Variants in PRSS2 observed in about 807,000 individuals in gnomAD.
The protein encoded by PRSS2 is serine protease 2, also known as trypsin-2.
PRSS2 carries 19 observed loss-of-function variants against 19.2 expected under a neutral mutation model. The ratio of observed to expected loss-of-function variants is 0.99; its 90% CI spans 0.69 to 1.45. The LOEUF (loss-of-function observed/expected upper bound fraction) is 1.45, where lower values mean the gene tolerates loss of function less well. Ranked by LOEUF, PRSS2 falls within the 40% of genes most tolerant of loss-of-function variation. The pLI, the probability that PRSS2 is intolerant of heterozygous loss-of-function variation, is 0.00. For missense variants in PRSS2, 288 were observed against 294.4 expected, an observed-to-expected ratio of 0.98 and a Z score of 0.16; for synonymous variants, 107 against 117.5, an observed-to-expected ratio of 0.91 and a Z score of 0.58.
At chr7:142,774,323 C>G in intron 4 of PRSS2, 33 bp from the exon 5 acceptor site, 2 of 1,118,454 alleles carry the variant, frequency 1.8e-6, no homozygotes, top group Non-Finnish European at 2.7e-6. Flanking sequence ...CTCCATCTCT[C>G]TCTTCATACA....
At chr7:142,771,806 C>T (rs953971896) in intron 1 of PRSS2, among the ~76,000 whole-genome samples, 5 of 152,248 alleles carry the variant, frequency 3.3e-5, no homozygotes, top group African/African-American at 1.2e-4. Flanking sequence ...TTCCTTGCGT[C>T]CTCAGCCTGG....
intron 3 of PRSS2, 94 bp from the exon 4 acceptor site, chr7:142,773,825 G>C (rs1345929915): frequency 6.7e-7 from 1 of 1,502,166 alleles, no homozygotes; most frequent in Non-Finnish European, 9.3e-7. Flanking sequence ...CTCTCCAGGG[G>C]CAGTGTTCCT....
Position 142,772,761 on chromosome 7 carries a change from T to G in PRSS2, c.201-505T>G, listed in dbSNP as rs1583110985. ...CTGGGACCCATCCCCAAGGTTCTGATCAGTAGGTGGGGGTAAGGACCAAGA... is the reference window on the plus strand; with the variant it reads ...CTGGGACCCATCCCCAAGGTTCTGAGCAGTAGGTGGGGGTAAGGACCAAGA... On this transcript the variant is annotated intron_variant, in intron 2 of 4. Coordinates refer to ENST00000539842, the MANE Select transcript of PRSS2 (RefSeq NM_002770.4). 1.6e-3 allele frequency among the ~76,000 whole-genome samples: 244 copies of G among 150,432 alleles called. 1 individual carries two copies. The highest frequency in any genetic ancestry group is 3.4e-3 in the Middle Eastern group (1 of 294).
intron 1 of PRSS2, among the ~76,000 whole-genome samples, chr7:142,771,537 G>C (rs951074015): frequency 1.3e-5 from 2 of 152,200 alleles, no homozygotes; most frequent in Non-Finnish European, 2.9e-5. Flanking sequence ...CAATAATAAC[G>C]TATACCTTTG....
intron 2 of PRSS2, 106 bp from the exon 3 acceptor site, chr7:142,773,160 G>A: frequency 1.2e-6 from 2 of 1,602,694 alleles, no homozygotes; most frequent in South Asian, 1.1e-5. Context: ...CCCACCCCAT[G>A]CCTCCAGAGC....
chr7:142,773,330 A>C lies in PRSS2; in HGVS notation c.265A>C (p.Asn89His). The change falls in exon 3 of 5, where the codon AAT becomes CAT. Residue 89 changes from asparagine (N) to histidine (H), a missense_variant. By Grantham distance (68) the Asn-to-His change is moderately conservative. Transcript: ENST00000539842. ...CCTGGAGGGGAATGAACAGTTCATCAATGCGGCCAAGATCATCCGCCACCC... is the reference window on the plus strand; with the variant it reads ...CCTGGAGGGGAATGAACAGTTCATCCATGCGGCCAAGATCATCCGCCACCC... ...EVLEGNEQFI[N>H]AAKIIRHPKY... is the part of the protein sequence containing the mutation. The C allele has an allele frequency of 6.3e-7, 1 of 1,594,256 alleles. No homozygotes were observed.
rs1379759713 is a variant in PRSS2, at chr7:142,773,450, C to A, written c.385C>A (p.Pro129Thr). ...INSRVSAISL[P>T]TAPPAAGTES... ...TTCCCGCGTGTCCGCCATCTCTCTG[C>A]CCACTGCCCCTCCAGCTGCTGGCAC... The change falls in exon 3 of 5, where the codon CCC becomes ACC. Residue 129 changes from proline to threonine, a missense_variant. Pro to Thr is a conservative substitution (Grantham distance 38, BLOSUM62 -1). Coordinates refer to ENST00000539842, the MANE Select transcript of PRSS2 (RefSeq NM_002770.4). The A allele has an allele frequency of 6.2e-7, 1 of 1,600,422 alleles. No individual in the cohort carries two copies. The highest frequency in any genetic ancestry group is 8.6e-7 in the Non-Finnish European group (1 of 1,167,932).
Position 142,773,561 on chromosome 7 carries a change from A to T in PRSS2, c.454+42A>T. 4 of 1,518,768 alleles carry T rather than the reference A, an allele frequency of 2.6e-6. 1 individual carries two copies. The Admixed American group carries it at 5.0e-5, about 19-fold the overall frequency. 94.1% of individuals were successfully genotyped at this position (1,518,768 alleles called of 1,614,324 possible). Reference sequence around the variant, plus strand: ...GTCCTTCTACTTCCCTCCATCCCACAATTTCCAGAACAAACCATGCCCCTT... The same window carrying T: ...GTCCTTCTACTTCCCTCCATCCCACTATTTCCAGAACAAACCATGCCCCTT... On this transcript the variant is annotated intron_variant, in intron 3 of 4. Coordinates refer to ENST00000539842, the MANE Select transcript of PRSS2 (RefSeq NM_002770.4).
chr7:142,772,621 T>G, intron 2 of PRSS2: 2 of 665,542 alleles, frequency 3.0e-6, no homozygotes, highest in South Asian at 3.4e-5. Context: ...TTTCACACTC[T>G]ACCTCTGGTA....
chr7:142,771,365 G>A (rs1410115922), intron 1 of PRSS2, among the ~76,000 whole-genome samples: 1 of 151,974 alleles, frequency 6.6e-6, no homozygotes, highest in Admixed American at 6.6e-5. Context: ...AACCTCGAAT[G>A]CACCTGGGGA....
rs1586048282 is a variant in PRSS2, at chr7:142,774,048, C to G, written c.584C>G (p.Ser195Cys). The G allele has an allele frequency of 6.3e-7, 1 of 1,594,786 alleles. No individual in the cohort carries two copies. Among genetic ancestry groups the G allele is most frequent in the Non-Finnish European group, 8.6e-7 (1 of 1,162,506 alleles). ...CVGFLEGGKDSCQGDSGGPVV... is the reference protein window; with the variant it reads ...CVGFLEGGKDCCQGDSGGPVV... ...GGCTTCCTCGAGGGAGGCAAGGATT[C>G]CTGCCAGGTGATTTGACCCCTTCCC... is the stretch of plus-strand genomic sequence containing the variant. The change falls in exon 4 of 5, where the codon TCC (serine) becomes TGC (cysteine). Residue 195 changes from serine (S) to cysteine (C), a missense_variant. Ser to Cys is a moderately radical substitution (Grantham distance 112, BLOSUM62 -1). Transcript: ENST00000539842.
chr7:142,772,590 G>A, intron 2 of PRSS2: 1 of 679,922 alleles, frequency 1.5e-6, no homozygotes, highest in Non-Finnish European at 2.7e-6. Context: ...ATCAGGAAGA[G>A]GGTGTGAATA....
Position 142,773,430 on chromosome 7 carries a change from G to T in PRSS2, c.365G>T (p.Arg122Leu). 6.5e-7 allele frequency: 1 copy of T among 1,541,550 alleles called. No individual in the cohort carries two copies. The highest frequency in any genetic ancestry group is 8.8e-7 in the Non-Finnish European group (1 of 1,131,354). The change falls in exon 3 of 5, where the codon CGC (arginine) becomes CTC (leucine). Residue 122 changes from arginine to leucine, a missense_variant. Transcript: ENST00000539842. ...TCCTCACCTGCCGTCATCAATTCCC[G>T]CGTGTCCGCCATCTCTCTGCCCACT... ...KLSSPAVINS[R>L]VSAISLPTAP...
intron 2 of PRSS2, chr7:142,772,730 A>T: frequency 3.5e-6 from 2 of 577,760 alleles, no homozygotes. Flanking sequence ...GTTAAGGCAC[A>T]AATCACTGGG....
In PRSS2 at chr7:142,771,034, G is replaced by T. The variant is rs926850093; in HGVS notation, c.40+12G>T. The T allele has an allele frequency of 5.4e-6, 3 of 550,584 alleles. No homozygotes were observed. The highest frequency in any genetic ancestry group is 9.9e-6 in the Non-Finnish European group (3 of 304,002). 34.1% of individuals were successfully genotyped at this position (550,584 alleles called of 1,614,324 possible). The stretch of plus-strand genomic sequence containing the variant: ...TGTTGCAGCTGCTGGTGAGTTTCAC[G>T]CCCTGCCTCAGGCCTCAACCAACCC... On this transcript the variant is annotated intron_variant, in intron 1 of 4. Transcript: ENST00000539842.
chr7:142,772,607 A>T, intron 2 of PRSS2: 1 of 569,736 alleles, frequency 1.8e-6, no homozygotes. Context: ...AATATCAGTG[A>T]GTATTTCACA....
chr7:142,772,865 T>C (rs1379691063), intron 2 of PRSS2, among the ~76,000 whole-genome samples: 9 of 152,298 alleles, frequency 5.9e-5, no homozygotes, highest in Admixed American at 2.6e-4. Flanking sequence ...AGGGTGGTGC[T>C]CACCAGGCCA....
At chr7:142,774,256 C>A (rs1344633327) in intron 4 of PRSS2, 100 bp from the exon 5 acceptor site, 6 of 1,065,840 alleles carry the variant, frequency 5.6e-6, no homozygotes, top group Non-Finnish European at 8.8e-6. Context: ...CGTGGAGCCA[C>A]AGAGCTGGCT....
intron 1 of PRSS2, 121 bp from the exon 2 acceptor site, chr7:142,771,928 C>T (rs1433514629): frequency 6.1e-5 from 86 of 1,399,118 alleles, no homozygotes; most frequent in East Asian, 1.4e-4. Flanking sequence ...AGCGCTCCCC[C>T]CCTTGCCTAG....
Sources: allele counts gnomAD v4.1 joint callset (sites outside exome capture counted in the v4.1 genomes callset), GRCh38; gene constraint gnomAD v4.1.1; transcripts MANE v1.5; gene names NCBI Gene and HGNC (gene_info 2026-07-23, HGNC 2026-07-21).